Variants in DISC1 observed in about 807,000 individuals in gnomAD.
DISC1 encodes the protein disrupted in schizophrenia 1 protein.
DISC1 carries 57 observed loss-of-function variants against 84.5 expected under a neutral mutation model. The ratio of observed to expected loss-of-function variants is 0.67; its 90% CI spans 0.55 to 0.84. DISC1 has a LOEUF of 0.84. Ranked by LOEUF, DISC1 falls within the 40% of genes least tolerant of loss-of-function variation. DISC1 has a pLI of 0.00. For missense variants in DISC1, 1,000 were observed against 1,057.8 expected, an observed-to-expected ratio of 0.95 and a Z score of 0.76; for synonymous variants, 411 against 415.2, an observed-to-expected ratio of 0.99 and a Z score of 0.12.
intron 9 of DISC1, among the ~76,000 whole-genome samples, chr1:231,938,286 C>A (rs926877569): frequency 6.6e-6 from 1 of 152,142 alleles, no homozygotes; most frequent in African/African-American, 2.4e-5. Flanking sequence ...TGAGCCCGTA[C>A]AAGTGGAAGA....
chr1:231,626,830 C>G lies in DISC1; in HGVS notation c.-38C>G. 1 of 1,412,660 alleles carries G rather than the reference C, an allele frequency of 7.1e-7. No homozygotes were observed. The allele number at this position is 1,412,660 out of a possible 1,614,324, so 87.5% of individuals were successfully genotyped here. On this transcript the variant is annotated 5_prime_UTR_variant, in exon 1 of 13. Coordinates refer to ENST00000439617, the MANE Select transcript of DISC1 (RefSeq NM_018662.3). The stretch of plus-strand genomic sequence containing the variant: ...CTGGCCTCGGGGAAGGAGCAGGAGG[C>G]AGCCCAGGCGGAGCGGGAGGAGCTG...
intron 3 of DISC1, among the ~76,000 whole-genome samples, chr1:231,746,634 CTT>C (rs1334158270): frequency 6.6e-6 from 1 of 151,940 alleles, no homozygotes; most frequent in Non-Finnish European, 1.5e-5. Flanking sequence ...ATTTTTTTGT[CTT>C]TTTGATAATA....
At chr1:232,005,012 C>CCTTG (rs1667222883) in intron 10 of DISC1, among the ~76,000 whole-genome samples, 1 of 126,472 alleles carries the variant, frequency 7.9e-6, no homozygotes, top group Non-Finnish European at 1.7e-5. Context: ...TTCCTTCCTT[C>CCTTG]CCTCTCTCCC....
In DISC1 at chr1:232,002,371, G is replaced by C. The variant is rs558663472; in HGVS notation, c.2043-6414G>C. 9.2e-5 allele frequency among the ~76,000 whole-genome samples: 14 copies of C among 152,140 alleles called. No homozygotes were observed. In the South Asian group the frequency reaches 1.9e-3, roughly 20 times the overall value. On this transcript the variant is annotated intron_variant, in intron 10 of 12. Coordinates refer to ENST00000439617, the MANE Select transcript of DISC1 (RefSeq NM_018662.3). ...GATACAACCCAGCAATTGTGCTGTT[G>C]GACAATCATTTCAGAAAAATGAAAA...
At chr1:231,945,041 G>A (rs1439234336) in intron 9 of DISC1, 5 of 152,262 alleles carry the variant, frequency 3.3e-5, no homozygotes, top group South Asian at 2.1e-4. Flanking sequence ...CAACGAGACA[G>A]AAAATTAACA....
At chr1:231,724,838 A>G (rs947273179) in intron 3 of DISC1, among the ~76,000 whole-genome samples, 1 of 152,194 alleles carries the variant, frequency 6.6e-6, no homozygotes, top group African/African-American at 2.4e-5. Context: ...GGTAGTTGTC[A>G]GGGTGGTTCT....
chr1:231,800,296 T>G, intron 8 of DISC1, 86 bp downstream of exon 8: 1 of 1,039,384 alleles, frequency 9.6e-7, no homozygotes, highest in Non-Finnish European at 1.5e-6. Flanking sequence ...TCGATGAACA[T>G]TCCACTGTTA....
At chr1:231,772,751 C>T (rs2076650678) in intron 6 of DISC1, among the ~76,000 whole-genome samples, 1 of 152,160 alleles carries the variant, frequency 6.6e-6, no homozygotes, top group African/African-American at 2.4e-5. Context: ...TAGTGAACGA[C>T]TGTTCTGTCT....
chr1:231,649,839 G>C (rs1316206487), intron 1 of DISC1, among the ~76,000 whole-genome samples: 2 of 152,024 alleles, frequency 1.3e-5, no homozygotes, highest in African/African-American at 4.8e-5. Context: ...TTTGATCTTT[G>C]CTGGTTTAAA....
chr1:231,674,819 A>C (rs896569522), intron 1 of DISC1, among the ~76,000 whole-genome samples: 1 of 152,236 alleles, frequency 6.6e-6, no homozygotes, highest in Admixed American at 6.5e-5. Context: ...GACAGAAAAA[A>C]ATTCCCCAGA....
chr1:231,777,527 T>C (rs1019031354), intron 6 of DISC1, among the ~76,000 whole-genome samples: 1 of 152,206 alleles, frequency 6.6e-6, no homozygotes, highest in Non-Finnish European at 1.5e-5. Flanking sequence ...CTCCCCTTTT[T>C]AAGTAAAGTA....
At chr1:231,820,928 G>T (rs574959455) in intron 9 of DISC1, among the ~76,000 whole-genome samples, 27 of 152,280 alleles carry the variant, frequency 1.8e-4, no homozygotes, top group African/African-American at 6.5e-4. Context: ...GGAACAATTA[G>T]CAGTGTCTCT....
chr1:232,012,041 C>T (rs371531517), intron 11 of DISC1, among the ~76,000 whole-genome samples: 1 of 152,192 alleles, frequency 6.6e-6, no homozygotes, highest in East Asian at 1.9e-4. Flanking sequence ...AAGGATGCAT[C>T]ACGAAGTGAG....
intron 3 of DISC1, among the ~76,000 whole-genome samples, chr1:231,727,946 G>T (rs994168457): frequency 2.0e-5 from 3 of 150,784 alleles, no homozygotes; most frequent in Admixed American, 6.6e-5. Flanking sequence ...GTGAGACTCT[G>T]TCTAAAAAAA....
chr1:231,872,100 A>G lies in DISC1; in HGVS notation c.1981+53583A>G, dbSNP rs192256181. On this transcript the variant is annotated intron_variant, in intron 9 of 12. Transcript: ENST00000439617. The stretch of plus-strand genomic sequence containing the variant: ...AGCCTTCAGTCGGTGAACAGCGTGA[A>G]GACAGCCTGATGCATGCAAGGCGTG... 3.3e-3 allele frequency among the ~76,000 whole-genome samples: 505 copies of G among 152,354 alleles called. 4 individuals carry two copies. The highest frequency in any genetic ancestry group is 0.011 in the African/African-American group (475 of 41,586).
chr1:231,949,717 A>G (rs1657977087), intron 9 of DISC1, among the ~76,000 whole-genome samples: 1 of 152,188 alleles, frequency 6.6e-6, no homozygotes. Flanking sequence ...CCCAACAGCA[A>G]CAGCTCAGAC....
At chr1:231,741,820 C>T (rs922826454) in intron 3 of DISC1, among the ~76,000 whole-genome samples, 1 of 152,204 alleles carries the variant, frequency 6.6e-6, no homozygotes, top group African/African-American at 2.4e-5. Flanking sequence ...TCCCTATGTC[C>T]GATCTGTCAG....
chr1:231,970,309 G>T (rs1025428342), intron 10 of DISC1, among the ~76,000 whole-genome samples: 2 of 152,184 alleles, frequency 1.3e-5, no homozygotes, highest in African/African-American at 4.8e-5. Context: ...GTATGAGATG[G>T]TATCTCATTG....
intron 1 of DISC1, among the ~76,000 whole-genome samples, chr1:231,632,286 A>G (rs1249176729): frequency 5.3e-5 from 8 of 152,236 alleles, no homozygotes; most frequent in Admixed American, 2.6e-4. Context: ...TGAAATAAGT[A>G]GCCCCACATT....
Sources: gnomAD v4.1 joint callset for allele counts (sites outside exome capture counted in the v4.1 genomes callset) on GRCh38, gnomAD v4.1.1 for gene constraint, MANE v1.5 for transcripts, NCBI Gene and HGNC (gene_info 2026-07-23, HGNC 2026-07-21) for gene names.